The following CSMD1 variants were observed in gnomAD, a reference collection of about 807,000 sequenced individuals.
CSMD1 encodes the protein CUB and Sushi multiple domains 1, also known as CUB and sushi domain-containing protein 1.
In CSMD1, 213 loss-of-function variants were observed where a neutral mutation model predicts 417.5. The ratio of observed to expected loss-of-function variants is 0.51; its 90% CI spans 0.46 to 0.57. The LOEUF is 0.57. Among genes scored for constraint, CSMD1 ranks in the 20% least tolerant of loss-of-function variants. CSMD1 has a pLI of 0.00. For missense variants in CSMD1, 6,923 were observed against 4,529.7 expected (o/e 1.53, Z -15.17); for synonymous variants, 2,862 against 1,736.8 (o/e 1.65, Z -16.11).
At chr8:4,991,933 G>A (rs944835295) in intron 1 of CSMD1, among the ~76,000 whole-genome samples, 1 of 152,114 alleles carries the variant, frequency 6.6e-6, no homozygotes, top group Non-Finnish European at 1.5e-5. Context: ...CTGCCTCGTG[G>A]GCCAGACAAT....
At chr8:3,011,174 C>T (rs2128962937) in intron 52 of CSMD1, among the ~76,000 whole-genome samples, 1 of 152,284 alleles carries the variant, frequency 6.6e-6, no homozygotes, top group Non-Finnish European at 1.5e-5. Context: ...AAATACTATT[C>T]AGAAATATGA....
chr8:3,750,260 T>C (rs1797268067), intron 6 of CSMD1, among the ~76,000 whole-genome samples: 1 of 151,718 alleles, frequency 6.6e-6, no homozygotes, highest in Non-Finnish European at 1.5e-5. Context: ...AAAAAGATTA[T>C]AATATATGCG....
At chr8:4,914,717 T>C (rs796141054) in intron 1 of CSMD1, among the ~76,000 whole-genome samples, 5 of 152,250 alleles carry the variant, frequency 3.3e-5, no homozygotes, top group African/African-American at 1.2e-4. Context: ...GTAATAAACA[T>C]GAGACGTTTT....
intron 6 of CSMD1, among the ~76,000 whole-genome samples, chr8:3,721,558 A>T (rs139909476): frequency 4.6e-5 from 7 of 152,344 alleles, no homozygotes; most frequent in African/African-American, 1.7e-4. Flanking sequence ...TTTTTAAATT[A>T]TTAAATTCCA....
At chr8:3,626,910 G>T (rs139026825) in intron 7 of CSMD1, among the ~76,000 whole-genome samples, 2 of 149,860 alleles carry the variant, frequency 1.3e-5, no homozygotes, top group Admixed American at 6.7e-5. Flanking sequence ...TTAATATTAA[G>T]GCTTTATTAA....
At chr8:4,235,179 G>C (rs756123449) in intron 3 of CSMD1, among the ~76,000 whole-genome samples, 1 of 152,056 alleles carries the variant, frequency 6.6e-6, no homozygotes, top group East Asian at 1.9e-4. Context: ...TCTTTCAGAG[G>C]CATCTCTCTC....
In CSMD1 at chr8:4,845,907, AGGTTACGC is replaced by A. The variant is rs528786689; in HGVS notation, c.85+148417_85+148424del. ...GTCACCGTGGCTAACTAAAATGACA[AGGTTACGC>A]TAGCCTATGAACTTTGCCTATTTTG... is the stretch of plus-strand genomic sequence containing the variant. On this transcript the variant is annotated intron_variant, in intron 1 of 69. Transcript: ENST00000635120. 1.1e-3 allele frequency among the ~76,000 whole-genome samples: 161 copies of A among 152,368 alleles called. 1 individual carries two copies. The highest frequency in any genetic ancestry group is 2.7e-3 in the African/African-American group (114 of 41,594).
Position 3,884,286 on chromosome 8 carries a change from A to T in CSMD1, c.818+113617T>A, listed in dbSNP as rs186957007. On this transcript the variant is annotated intron_variant, in intron 5 of 69. Transcript: ENST00000635120. ...GTCTTCAACTTAACATACAATGGCC[A>T]CTTGTGTTTGTTATATAAAACATTA... 2.0e-3 allele frequency among the ~76,000 whole-genome samples: 309 copies of T among 152,310 alleles called. 1 individual carries two copies. The highest frequency in any genetic ancestry group is 4.6e-3 in the Admixed American group (70 of 15,284).
chr8:3,502,614 A>C (rs993416192), intron 10 of CSMD1, among the ~76,000 whole-genome samples: 5 of 152,188 alleles, frequency 3.3e-5, no homozygotes, highest in Admixed American at 6.5e-5. Flanking sequence ...CAATTTTAGA[A>C]GGTGACGTGT....
intron 2 of CSMD1, among the ~76,000 whole-genome samples, chr8:4,554,005 T>C (rs925555714): frequency 1.3e-5 from 2 of 152,344 alleles, no homozygotes; most frequent in Middle Eastern, 3.4e-3. Flanking sequence ...CAAAGCTTAG[T>C]AGACCTTGCG....
chr8:3,870,515 G>A (rs771267003), intron 5 of CSMD1, among the ~76,000 whole-genome samples: 22 of 152,086 alleles, frequency 1.4e-4, no homozygotes, highest in Non-Finnish European at 2.4e-4. Flanking sequence ...AAAATTTACC[G>A]TTTGAGAGCT....
chr8:4,716,984 T>A (rs548561824), intron 1 of CSMD1, among the ~76,000 whole-genome samples: 1 of 152,036 alleles, frequency 6.6e-6, no homozygotes, highest in East Asian at 1.9e-4. Context: ...AAAATCCAAG[T>A]CTCCTGGTAT....
chr8:4,038,746 CAG>C (rs549063137), intron 3 of CSMD1, among the ~76,000 whole-genome samples: 27 of 152,284 alleles, frequency 1.8e-4, no homozygotes, highest in South Asian at 6.2e-4. Context: ...GCGCCCAATG[CAG>C]ACATTTGGTA....
At chr8:4,297,077 G>A (rs148581437) in intron 3 of CSMD1, among the ~76,000 whole-genome samples, 165 of 40,998 alleles carry the variant, frequency 4.0e-3, no homozygotes, top group African/African-American at 0.013. Context: ...TAGATAGGTT[G>A]AAGAGCTTGG....
chr8:4,638,309 T>C (rs1474144975), intron 1 of CSMD1, among the ~76,000 whole-genome samples: 2 of 152,106 alleles, frequency 1.3e-5, no homozygotes, highest in Non-Finnish European at 2.9e-5. Flanking sequence ...ATAACTGCAA[T>C]ATGTGGTAAT....
At chr8:4,956,912 T>C (rs1563864978) in intron 1 of CSMD1, among the ~76,000 whole-genome samples, 1 of 152,178 alleles carries the variant, frequency 6.6e-6, no homozygotes, top group Non-Finnish European at 1.5e-5. Context: ...CTCTCATTTT[T>C]GTCCACATTC....
intron 10 of CSMD1, 148 bp downstream of exon 10, chr8:3,574,797 G>A (rs926914951): frequency 1.2e-6 from 1 of 801,632 alleles, no homozygotes; most frequent in Non-Finnish European, 1.9e-6. Flanking sequence ...AATGAATGTG[G>A]CATCTAGACA....
In CSMD1 at chr8:3,833,378, A is replaced by C. The variant is rs115540121; in HGVS notation, c.819-79336T>G. ...TACAACGGCATTTCCTCACCTCCTA[A>C]AATAATTTACTGCATTCAACTCCTT... On this transcript the variant is annotated intron_variant, in intron 5 of 69. Transcript: ENST00000635120. Among the ~76,000 whole-genome samples the C allele has an allele frequency of 5.5e-3, 836 of 152,170 alleles. 5 individuals carry two copies. Among genetic ancestry groups the C allele is most frequent in the African/African-American group, 0.019 (800 of 41,534 alleles).
intron 5 of CSMD1, among the ~76,000 whole-genome samples, chr8:3,981,956 G>A (rs1813903730): frequency 6.6e-6 from 1 of 152,006 alleles, no homozygotes; most frequent in Admixed American, 6.6e-5. Context: ...TGGATCACAA[G>A]TTCAGGAGAT....
Sources: allele counts gnomAD v4.1 joint callset (sites outside exome capture counted in the v4.1 genomes callset), GRCh38; gene constraint gnomAD v4.1.1; transcripts MANE v1.5; gene names NCBI Gene and HGNC (gene_info 2026-07-23, HGNC 2026-07-21).